The following PRKG1 variants were observed in gnomAD, a reference collection of about 807,000 sequenced individuals.
The protein encoded by PRKG1 is protein kinase cGMP-dependent 1, also known as cGMP-dependent protein kinase 1.
A neutral mutation model predicts 88.1 loss-of-function variants in PRKG1; 35 were observed. The ratio of observed to expected loss-of-function variants is 0.40; its 90% CI spans 0.30 to 0.53. The LOEUF is 0.53. PRKG1 is among the 20% of genes least tolerant of loss of function. The pLI is 0.59. For missense variants in PRKG1, 540 were observed against 839.8 expected (o/e 0.64, Z 4.41); for synonymous variants, 303 against 292.5 (o/e 1.04, Z -0.37).
rs1488299663 is a variant in PRKG1 at position 52,294,355 on chromosome 10, A to G, written c.*455A>G. On this transcript the variant is annotated 3_prime_UTR_variant, in exon 18 of 18. Coordinates refer to ENST00000373980, the MANE Select transcript of PRKG1 (RefSeq NM_006258.4). ...TCTTCAAGTGAAGGCTGTGGGATCTATTACTGCAGGCCGGTGTATATACCA... is the reference window on the plus strand; with the variant it reads ...TCTTCAAGTGAAGGCTGTGGGATCTGTTACTGCAGGCCGGTGTATATACCA... 6.5e-6 allele frequency: 1 copy of G among 153,848 alleles called. No homozygotes were observed. Among genetic ancestry groups the G allele is most frequent in the Non-Finnish European group, 1.4e-5 (1 of 69,154 alleles). The allele number at this position is 153,848 out of a possible 1,614,324, so 9.5% of individuals were successfully genotyped here.
intron 4 of PRKG1, among the ~76,000 whole-genome samples, chr10:51,861,314 C>T (rs1444068839): frequency 6.6e-6 from 1 of 152,164 alleles, no homozygotes; most frequent in Admixed American, 6.5e-5. Flanking sequence ...TAGAGTTTTG[C>T]TTCTAGTTGG....
At chr10:51,658,440 G>C (rs1030940390) in intron 3 of PRKG1, among the ~76,000 whole-genome samples, 1 of 152,030 alleles carries the variant, frequency 6.6e-6, no homozygotes, top group East Asian at 1.9e-4. Context: ...AATGACAAAT[G>C]TCCCTTCCAG....
chr10:51,640,101 T>C (rs1839759868), intron 3 of PRKG1, among the ~76,000 whole-genome samples: 1 of 152,192 alleles, frequency 6.6e-6, no homozygotes, highest in Non-Finnish European at 1.5e-5. Flanking sequence ...TCAGTCTTCA[T>C]TGTCATTGTC....
intron 2 of PRKG1, among the ~76,000 whole-genome samples, chr10:51,230,667 A>G (rs1469066706): frequency 6.6e-6 from 1 of 152,188 alleles, no homozygotes. Context: ...GTATTTGCAT[A>G]TAACTTATGC....
chr10:51,507,107 C>A (rs899988984), intron 3 of PRKG1, among the ~76,000 whole-genome samples: 2 of 144,260 alleles, frequency 1.4e-5, no homozygotes, highest in African/African-American at 5.2e-5. Flanking sequence ...ACAATGAGAA[C>A]ACATGAAGAC....
At position 51,449,453 on chromosome 10, in the gene PRKG1, G is replaced by A. The variant is rs544166567; in HGVS notation, c.479-18270G>A. Among the ~76,000 whole-genome samples the A allele has an allele frequency of 3.4e-4, 50 of 148,878 alleles. 1 individual carries two copies. The South Asian group carries it at 0.01, about 31-fold the overall frequency. Reference sequence around the variant, plus strand: ...TTTATAATCCTGGAGATGTCAACTGGCCCCATGACACTTTTCATGGACTTT... The same window carrying A: ...TTTATAATCCTGGAGATGTCAACTGACCCCATGACACTTTTCATGGACTTT... On this transcript the variant is annotated intron_variant, in intron 2 of 17. Coordinates refer to ENST00000373980, the MANE Select transcript of PRKG1 (RefSeq NM_006258.4).
intron 3 of PRKG1, among the ~76,000 whole-genome samples, chr10:51,689,611 C>T (rs746688502): frequency 2.0e-5 from 3 of 152,130 alleles, no homozygotes; most frequent in Non-Finnish European, 4.4e-5. Context: ...AACAAACAAA[C>T]AAGAAAGACA....
At chr10:51,792,982 T>C (rs1838907544) in intron 3 of PRKG1, among the ~76,000 whole-genome samples, 1 of 151,868 alleles carries the variant, frequency 6.6e-6, no homozygotes, top group Non-Finnish European at 1.5e-5. Context: ...TGTCCAGACA[T>C]TGCTGTATAA....
intron 7 of PRKG1, among the ~76,000 whole-genome samples, chr10:52,104,033 A>G (rs1485447374): frequency 2.0e-5 from 3 of 147,830 alleles, no homozygotes; most frequent in African/African-American, 7.4e-5. Flanking sequence ...ATAATGAGAT[A>G]TATATATATC....
chr10:51,421,964 G>A (rs554713655), intron 2 of PRKG1, among the ~76,000 whole-genome samples: 1 of 152,312 alleles, frequency 6.6e-6, no homozygotes, highest in South Asian at 2.1e-4. Context: ...TGGACCAAAT[G>A]TCTTTTGAAG....
intron 5 of PRKG1, among the ~76,000 whole-genome samples, chr10:52,005,526 C>A (rs534332970): frequency 6.6e-6 from 1 of 152,266 alleles, no homozygotes; most frequent in South Asian, 2.1e-4. Flanking sequence ...GCTTCTGGCC[C>A]TGTGGCCTGC....
chr10:52,167,750 G>T (rs924662922), intron 9 of PRKG1, among the ~76,000 whole-genome samples: 1 of 152,062 alleles, frequency 6.6e-6, no homozygotes, highest in Non-Finnish European at 1.5e-5. Flanking sequence ...GCACCAATTA[G>T]TTCAGCTGCC....
intron 3 of PRKG1, among the ~76,000 whole-genome samples, chr10:51,532,367 G>A (rs922706233): frequency 2.6e-5 from 4 of 152,088 alleles, no homozygotes; most frequent in South Asian, 4.1e-4. Flanking sequence ...ACAATTTTCC[G>A]GTCTGTTTCA....
intron 3 of PRKG1, among the ~76,000 whole-genome samples, chr10:51,777,493 A>G (rs568796138): frequency 6.6e-6 from 1 of 152,256 alleles, no homozygotes; most frequent in African/African-American, 2.4e-5. Flanking sequence ...ATTGTTTCAC[A>G]GCAAAGGAAT....
intron 5 of PRKG1, among the ~76,000 whole-genome samples, chr10:52,024,567 A>C (rs1371371908): frequency 1.3e-5 from 2 of 152,024 alleles, no homozygotes; most frequent in East Asian, 3.9e-4. Context: ...CCTATGAGTG[A>C]GAACATGCAG....
intron 1 of PRKG1, among the ~76,000 whole-genome samples, chr10:51,085,224 ACCTAC>A (rs1844218217): frequency 6.6e-6 from 1 of 152,180 alleles, no homozygotes; most frequent in East Asian, 1.9e-4. Flanking sequence ...TCTTCCTAAT[ACCTAC>A]GTTACCTAAT....
chr10:51,564,579 A>G (rs1282048217), intron 3 of PRKG1, among the ~76,000 whole-genome samples: 2 of 152,124 alleles, frequency 1.3e-5, no homozygotes, highest in African/African-American at 2.4e-5. Context: ...GACCTTGCAC[A>G]TAGGAGGAAT....
chr10:51,198,385 G>A (rs1292621738), intron 2 of PRKG1, among the ~76,000 whole-genome samples: 2 of 152,182 alleles, frequency 1.3e-5, no homozygotes, highest in East Asian at 1.9e-4. Context: ...ATTGTGTAAA[G>A]CCTATAAAAC....
intron 2 of PRKG1, among the ~76,000 whole-genome samples, chr10:51,391,026 T>C (rs1837382056): frequency 6.6e-6 from 1 of 152,188 alleles, no homozygotes; most frequent in Non-Finnish European, 1.5e-5. Context: ...TATGGTGTTA[T>C]CCTCATTTCT....
Sources: gnomAD v4.1 joint callset for allele counts (sites outside exome capture counted in the v4.1 genomes callset) on GRCh38, gnomAD v4.1.1 for gene constraint, MANE v1.5 for transcripts, NCBI Gene and HGNC (gene_info 2026-07-23, HGNC 2026-07-21) for gene names.